The following ATP8B4 variants were observed in gnomAD, a reference collection of about 807,000 sequenced individuals.
The protein encoded by ATP8B4 is ATPase phospholipid transporting 8B4 (putative).
ATP8B4 carries 133 observed loss-of-function variants against 145.6 expected under a neutral mutation model. The ratio of observed to expected loss-of-function variants is 0.91; its 90% CI spans 0.79 to 1.05. The LOEUF is 1.05. Among genes scored for constraint, ATP8B4 ranks in the 50% least tolerant of loss-of-function variants. The pLI, the probability that ATP8B4 is intolerant of heterozygous loss-of-function variation, is 0.00. For synonymous variants in ATP8B4, 507 were observed against 492.9 expected, an observed-to-expected ratio of 1.03 and a Z score of -0.38; for missense variants, 1,458 against 1,425.2, an observed-to-expected ratio of 1.02 and a Z score of -0.37.
At chr15:50,154,398 T>A (rs775019070) in intron 1 of ATP8B4, among the ~76,000 whole-genome samples, 19 of 152,160 alleles carry the variant, frequency 1.2e-4, no homozygotes, top group Non-Finnish European at 1.9e-4. Context: ...AAATTATTCT[T>A]TTTCCTCAAT....
intron 25 of ATP8B4, among the ~76,000 whole-genome samples, chr15:49,867,318 G>C (rs1236880881): frequency 1.3e-5 from 2 of 152,186 alleles, no homozygotes; most frequent in African/African-American, 4.8e-5. Flanking sequence ...GGCCCTACCT[G>C]CTTAGTAAAT....
chr15:49,947,275 C>G (rs571625741), intron 14 of ATP8B4, among the ~76,000 whole-genome samples: 1 of 151,876 alleles, frequency 6.6e-6, no homozygotes, highest in South Asian at 2.1e-4. Context: ...TACTAAAATA[C>G]AAAACATTAG....
rs532352989 is a variant in ATP8B4, at chr15:49,953,310, G to A, written c.1287+8667C>T. 2.4e-3 allele frequency among the ~76,000 whole-genome samples: 365 copies of A among 152,306 alleles called. 1 individual carries two copies. Among genetic ancestry groups the A allele is most frequent in the African/African-American group, 8.2e-3 (339 of 41,582 alleles). ...CTAGATTCCTCAGAACAACCAGGAG[G>A]AGAGGCTAAGTCTGCTGGTGCGCAG... On this transcript the variant is annotated intron_variant, in intron 14 of 27. Coordinates refer to ENST00000284509, the MANE Select transcript of ATP8B4 (RefSeq NM_024837.4).
In ATP8B4 at chr15:50,092,643, G is replaced by C. The variant is rs115560862; in HGVS notation, c.28+14296C>G. On this transcript the variant is annotated intron_variant, in intron 2 of 27. Coordinates refer to ENST00000284509, the MANE Select transcript of ATP8B4 (RefSeq NM_024837.4). ...ATAGGGTAATAGTAAGCTGGAAACT[G>C]GTCAGTAGAAAATATGAAAACTGCA... Among the ~76,000 whole-genome samples, 481 of 151,974 alleles carry C rather than the reference G, an allele frequency of 3.2e-3. 1 individual carries two copies. The highest frequency in any genetic ancestry group is 0.011 in the African/African-American group (465 of 41,504).
At chr15:50,019,036 A>T (rs2049322437) in intron 6 of ATP8B4, 1 of 863,712 alleles carries the variant, frequency 1.2e-6, no homozygotes, top group Non-Finnish European at 1.7e-6. Flanking sequence ...ACAAATCTTG[A>T]TCGGTCATTT....
At chr15:50,177,465 T>C (rs2044781199) in intron 1 of ATP8B4, among the ~76,000 whole-genome samples, 1 of 152,216 alleles carries the variant, frequency 6.6e-6, no homozygotes, top group Admixed American at 6.5e-5. Context: ...ATAAGTTCAG[T>C]ACAAGGGCTG....
chr15:50,154,014 C>T (rs1036720156), intron 1 of ATP8B4, among the ~76,000 whole-genome samples: 4 of 152,166 alleles, frequency 2.6e-5, no homozygotes, highest in Non-Finnish European at 5.9e-5. Flanking sequence ...AATATCCAAG[C>T]TCAATCTTTA....
intron 16 of ATP8B4, among the ~76,000 whole-genome samples, chr15:49,928,519 T>C (rs1205115596): frequency 6.6e-6 from 1 of 152,108 alleles, no homozygotes; most frequent in African/African-American, 2.4e-5. Flanking sequence ...AATGACTTTT[T>C]CTTTTAAGGT....
At position 50,054,270 on chromosome 15, in the gene ATP8B4, G is replaced by A. The variant is rs548738219; in HGVS notation, c.88-6806C>T. ...GAGCACCCACCATCTCCAATGCTTC[G>A]AGGTATATTACCAGAGGAAAAAGAA... is the stretch of plus-strand genomic sequence containing the variant. On this transcript the variant is annotated intron_variant, in intron 3 of 27. Transcript: ENST00000284509. 6.6e-4 allele frequency among the ~76,000 whole-genome samples: 101 copies of A among 152,168 alleles called. 1 individual carries two copies. The highest frequency in any genetic ancestry group is 2.4e-3 in the African/African-American group (99 of 41,514).
chr15:50,062,394 T>C (rs972943422), intron 3 of ATP8B4, among the ~76,000 whole-genome samples: 8 of 152,150 alleles, frequency 5.3e-5, no homozygotes, highest in African/African-American at 1.9e-4. Flanking sequence ...GGAGGCTTCC[T>C]GAAGCCTCCC....
chr15:50,014,125 C>A (rs1173032449), intron 6 of ATP8B4, among the ~76,000 whole-genome samples: 2 of 152,132 alleles, frequency 1.3e-5, no homozygotes, highest in Non-Finnish European at 2.9e-5. Context: ...TTCCCACCAG[C>A]AACATGGATT....
rs572939477 is a variant in ATP8B4, at chr15:50,073,513, A to C, written c.87+614T>G. Among the ~76,000 whole-genome samples the C allele has an allele frequency of 1.6e-4, 25 of 152,294 alleles. 1 individual carries two copies. The highest frequency in any genetic ancestry group is 9.8e-4 in the Admixed American group (15 of 15,292). Reference sequence around the variant, plus strand: ...AATCATGGGCATTTAGGTTGGTTCCAGGTCCTTGCTATTGAGAACAGTGTT... The same window carrying C: ...AATCATGGGCATTTAGGTTGGTTCCCGGTCCTTGCTATTGAGAACAGTGTT... On this transcript the variant is annotated intron_variant, in intron 3 of 27. Transcript: ENST00000284509.
intron 2 of ATP8B4, among the ~76,000 whole-genome samples, chr15:50,104,560 TAATC>T (rs2056565489): frequency 6.6e-6 from 1 of 151,988 alleles, no homozygotes; most frequent in Admixed American, 6.6e-5. Flanking sequence ...AGAAAGGCCA[TAATC>T]AAAAAATAAT....
intron 1 of ATP8B4, among the ~76,000 whole-genome samples, chr15:50,168,591 G>A (rs1567416370): frequency 6.6e-6 from 1 of 152,190 alleles, no homozygotes; most frequent in Admixed American, 6.5e-5. Flanking sequence ...TCAGGAGGGT[G>A]AACAGAGGAG....
intron 2 of ATP8B4, among the ~76,000 whole-genome samples, chr15:50,074,976 A>G (rs1184030637): frequency 2.0e-5 from 3 of 152,186 alleles, no homozygotes; most frequent in South Asian, 2.1e-4. Context: ...CTATGAGAAA[A>G]GAGTCAGCAA....
chr15:50,119,344 C>G (rs2057237673), upstream of ATP8B4: 1 of 152,236 alleles, frequency 6.6e-6, no homozygotes, highest in Admixed American at 6.6e-5. Context: ...CCACCGGAAG[C>G]TGCTAGATGG....
intron 3 of ATP8B4, among the ~76,000 whole-genome samples, chr15:50,066,469 AG>A (rs2053389342): frequency 6.6e-6 from 1 of 152,132 alleles, no homozygotes; most frequent in African/African-American, 2.4e-5. Context: ...TCTGGTCATC[AG>A]CCCCATAGGT....
rs145952409 is a variant in ATP8B4 at position 50,159,767 on chromosome 15, G to A, written c.-43+22494C>T. 3.8e-4 allele frequency among the ~76,000 whole-genome samples: 58 copies of A among 152,250 alleles called. 2 individuals carry two copies. In the East Asian group the frequency reaches 0.011, roughly 28 times the overall value. On this transcript the variant is annotated intron_variant, in intron 1 of 3. Transcript: ENST00000558829. ...TTGTTCTTCATTCTATTGATACGATGTACCACATTGATTGATTTGTGTATG... is the reference window on the plus strand; with the variant it reads ...TTGTTCTTCATTCTATTGATACGATATACCACATTGATTGATTTGTGTATG...
intron 2 of ATP8B4, among the ~76,000 whole-genome samples, chr15:50,081,483 C>T (rs990889050): frequency 6.6e-6 from 1 of 152,064 alleles, no homozygotes; most frequent in Non-Finnish European, 1.5e-5. Flanking sequence ...TGGCAAATGC[C>T]CATTGATTCT....
Sources: gnomAD v4.1 joint callset for allele counts (sites outside exome capture counted in the v4.1 genomes callset) on GRCh38, gnomAD v4.1.1 for gene constraint, MANE v1.5 for transcripts, NCBI Gene and HGNC (gene_info 2026-07-23, HGNC 2026-07-21) for gene names.